Variants in VILL observed in about 807,000 individuals in gnomAD.
VILL encodes villin-like protein.
VILL carries 102 observed loss-of-function variants against 106.3 expected under a neutral mutation model. That is an observed-to-expected ratio of 0.96 (90% confidence interval 0.82 to 1.13). VILL has a LOEUF of 1.13. VILL is among the 50% of genes most tolerant of loss of function. VILL has a pLI of 0.00. For missense variants in VILL, 1,076 were observed against 1,116.6 expected, an observed-to-expected ratio of 0.96 and a Z score of 0.52; for synonymous variants, 431 against 440.3, an observed-to-expected ratio of 0.98 and a Z score of 0.27.
chr3:37,997,462 C>G lies in VILL; in HGVS notation c.562-21C>G, dbSNP rs889078611. On this transcript the variant is annotated intron_variant, in intron 6 of 19. Coordinates refer to ENST00000383759, the MANE Select transcript of VILL (RefSeq NM_015873.4). This position sits in a 1 kb window ranked among gnomAD's most constrained non-coding sequence, Gnocchi z 4.7. Reference sequence around the variant, plus strand: ...AGAGGGCACACTGGTGACACCCTGACTCCCAGGTCCTCTCCCGCAGGGGCT... The same window carrying G: ...AGAGGGCACACTGGTGACACCCTGAGTCCCAGGTCCTCTCCCGCAGGGGCT... The G allele has an allele frequency of 6.2e-7, 1 of 1,611,620 alleles. No homozygotes were observed.
Position 37,991,855 on chromosome 3 carries a change from C to A in VILL, c.-87+1026C>A, listed in dbSNP as rs183406613. Among the ~76,000 whole-genome samples the A allele has an allele frequency of 1.7e-3, 262 of 151,686 alleles. 10 individuals are homozygous for A. The South Asian group carries it at 0.051, about 30-fold the overall frequency. ...AGGGCTTGGGAGGCTGGAGGTGGCA[C>A]TGTGGGGAGGGAGGAGGCCCCCAAT... On this transcript the variant is annotated intron_variant, in intron 1 of 19. Transcript: ENST00000383759.
chr3:37,998,178 G>A lies in VILL; in HGVS notation c.843+10G>A. 1 of 1,613,954 alleles carries A rather than the reference G, an allele frequency of 6.2e-7. No homozygotes were observed. The highest frequency in any genetic ancestry group is 8.5e-7 in the Non-Finnish European group (1 of 1,179,934). On this transcript the variant is annotated intron_variant, in intron 8 of 19. Coordinates refer to ENST00000383759, the MANE Select transcript of VILL (RefSeq NM_015873.4). The surrounding 1 kb of genome is among the most constrained non-coding windows in gnomAD (Gnocchi z 4.1). The stretch of plus-strand genomic sequence containing the variant: ...CCTGCTGCAGGAGGAGGTGAGGAAG[G>A]CCTGGCCCCAGCTACTTGCATCCTT...
chr3:38,003,693 A>G, intron 15 of VILL: 1 of 234,268 alleles, frequency 4.3e-6, no homozygotes. Flanking sequence ...GTGGATGTGC[A>G]AGAACAGGTG....
intron 11 of VILL, among the ~76,000 whole-genome samples, chr3:38,000,478 G>A (rs1165837662): frequency 1.3e-5 from 2 of 151,964 alleles, no homozygotes; most frequent in Admixed American, 1.3e-4. Flanking sequence ...AAGAGAGGGA[G>A]GGTCAGTGAT....
At position 37,998,478 on chromosome 3, in the gene VILL, T is replaced by C. The variant is rs1434475279; in HGVS notation, c.942+114T>C. 2.8e-5 allele frequency: 27 copies of C among 960,694 alleles called. No homozygotes were observed. The highest frequency in any genetic ancestry group is 4.8e-5 in the Admixed American group (2 of 41,962). The allele number at this position is 960,694 out of a possible 1,614,324, so 59.5% of individuals were successfully genotyped here. A position where few individuals can be genotyped will look rare whatever the true frequency, so the allele number is the denominator to read the frequency against. On this transcript the variant is annotated intron_variant, in intron 9 of 19. Transcript: ENST00000383759. The surrounding 1 kb of genome is among the most constrained non-coding windows in gnomAD (Gnocchi z 4.1). Reference sequence around the variant, plus strand: ...AATCAGCCCTCCCCTAGAGTTTGAGTTGGGAAATCCTATGCTGGAGTCTTA... The same window carrying C: ...AATCAGCCCTCCCCTAGAGTTTGAGCTGGGAAATCCTATGCTGGAGTCTTA...
chr3:37,999,179 C>A, intron 10 of VILL, 129 bp downstream of exon 10: 3 of 1,237,202 alleles, frequency 2.4e-6, no homozygotes, highest in Admixed American at 2.9e-5. Flanking sequence ...GCCTGGTCTG[C>A]ACGGGGCGGA....
rs770511488 is a variant in VILL at position 38,004,248 on chromosome 3, T to C, written c.1806-7T>C. 18 of 1,605,946 alleles carry C rather than the reference T, an allele frequency of 1.1e-5. No individual in the cohort carries two copies. The South Asian group carries it at 1.5e-4, about 14-fold the overall frequency. Reference sequence around the variant, plus strand: ...TGGCTCACAGCCTTGCTGTCCGTGCTGGCCAGGCTCCCTGAGGAGGTCCCC... The same window carrying C: ...TGGCTCACAGCCTTGCTGTCCGTGCCGGCCAGGCTCCCTGAGGAGGTCCCC... On this transcript the variant is annotated splice_region_variant and splice_polypyrimidine_tract_variant and intron_variant, in intron 15 of 19. Transcript: ENST00000383759.
chr3:37,994,257 C>A lies in VILL; in HGVS notation c.136-4C>A. On this transcript the variant is annotated splice_polypyrimidine_tract_variant and splice_region_variant and intron_variant, in intron 3 of 19. Coordinates refer to ENST00000383759, the MANE Select transcript of VILL (RefSeq NM_015873.4). ...ACACATATACACAAACACCCGGACC[C>A]TAGGTCCCCCAGAGCCCGAAGGCCA... 6.2e-7 allele frequency: 1 copy of A among 1,604,148 alleles called. No individual in the cohort carries two copies.
At chr3:37,994,530 T>C in intron 4 of VILL, 64 bp downstream of exon 4, 4 of 1,565,524 alleles carry the variant, frequency 2.6e-6, no homozygotes, top group Non-Finnish European at 3.4e-6. Flanking sequence ...TGGGGCAGTC[T>C]TGGGATGGCC....
upstream of VILL, among the ~76,000 whole-genome samples, chr3:37,989,285 G>A (rs1184255910): frequency 6.6e-6 from 1 of 152,230 alleles, no homozygotes; most frequent in African/African-American, 2.4e-5. Context: ...AACGTGCTGG[G>A]AGAGATGTGA....
chr3:37,995,171 C>T (rs1386260645), intron 4 of VILL, among the ~76,000 whole-genome samples: 4 of 152,218 alleles, frequency 2.6e-5, no homozygotes, highest in Admixed American at 2.6e-4. Context: ...AGGAATATAT[C>T]TTTCGCTGTA....
intron 15 of VILL, 164 bp from the exon 16 acceptor site, chr3:38,004,091 C>T (rs1699869296): frequency 1.1e-6 from 1 of 876,746 alleles, no homozygotes; most frequent in African/African-American, 1.7e-5. Context: ...GACCCTGTAC[C>T]CAGAGCAGAG....
chr3:38,002,953 GA>G (rs1406913036), intron 14 of VILL: 8 of 606,300 alleles, frequency 1.3e-5, no homozygotes, highest in Admixed American at 1.3e-4. Context: ...CCATGCTCTG[GA>G]CCCTGCGAGG....
In VILL at chr3:37,999,000, TC is replaced by T; in HGVS notation, c.1033del (p.Arg345GlyfsTer22). On this transcript the variant is annotated frameshift_variant, in exon 10 of 20. Coordinates refer to ENST00000383759, the MANE Select transcript of VILL (RefSeq NM_015873.4). LOFTEE classifies it high-confidence loss of function. The surrounding 1 kb of genome is among the most constrained non-coding windows in gnomAD (Gnocchi z 4.1). ...GAGTCGGCCGCGTTCAAGCAGCTCT[TC>T]CGGACTTGGTCTGAGAAGCGGCGCA... ...GAESAAFKQL[F>X]RTWSEKRRRN... The T allele has an allele frequency of 6.2e-7, 1 of 1,603,010 alleles. No individual in the cohort carries two copies. Among genetic ancestry groups the T allele is most frequent in the Non-Finnish European group, 8.5e-7 (1 of 1,175,040 alleles).
intron 3 of VILL, 33 bp from the exon 4 acceptor site, chr3:37,994,228 C>T: frequency 6.3e-7 from 1 of 1,576,916 alleles, no homozygotes. Context: ...CCGTCTTCCC[C>T]GCAACACATA....
rs1699907749 is a variant in VILL, at chr3:38,005,809, G to T, written c.1968G>T (p.Gly656=). The change falls in exon 17 of 20, where the codon GGG becomes GGT. Residue 656 remains glycine, a synonymous_variant. Coordinates refer to ENST00000383759, the MANE Select transcript of VILL (RefSeq NM_015873.4). The part of the protein sequence containing the change: ...DTWQEIFLWL[G]EAASEWKEAV... Reference sequence around the variant, plus strand: ...TGGCTCAGATCTTCCTGTGGCTTGGGGAAGCTGCAAGTGAGTGGAAGGAGG... The same window carrying T: ...TGGCTCAGATCTTCCTGTGGCTTGGTGAAGCTGCAAGTGAGTGGAAGGAGG... The T allele has an allele frequency of 6.2e-7, 1 of 1,611,546 alleles. No individual in the cohort carries two copies. Among genetic ancestry groups the T allele is most frequent in the Admixed American group, 1.7e-5 (1 of 59,772 alleles).
In VILL at chr3:38,006,571, G is replaced by A. The variant is rs778015763; in HGVS notation, c.2328G>A (p.Ser776=). The A allele has an allele frequency of 9.9e-6, 16 of 1,614,156 alleles. No homozygotes were observed. The highest frequency in any genetic ancestry group is 3.3e-4 in the Middle Eastern group (2 of 6,056). Residue 776 remains serine (S), a synonymous_variant, in exon 19 of 20, where the codon TCG becomes TCA. Coordinates refer to ENST00000383759, the MANE Select transcript of VILL (RefSeq NM_015873.4). ...SENDLVRSPK[S]AGSRTSSSVS... is the part of the protein sequence containing the mutation. ...ATGATCTGGTGCGAAGCCCCAAGTC[G>A]GCTGGCAGCAGAACCAGCAGCTCCG... is the stretch of plus-strand genomic sequence containing the variant.
intron 11 of VILL, chr3:38,001,095 C>T (rs1456108725): frequency 2.0e-6 from 1 of 499,566 alleles, no homozygotes; most frequent in Non-Finnish European, 3.9e-6. Flanking sequence ...TCCAAGGCTT[C>T]CCTTTCCGCC....
chr3:37,999,649 C>T (rs1240102671), intron 11 of VILL, among the ~76,000 whole-genome samples: 2 of 152,188 alleles, frequency 1.3e-5, no homozygotes, highest in Non-Finnish European at 2.9e-5. Flanking sequence ...GGCACTCACA[C>T]AACACAGACA....
Sources: allele counts gnomAD v4.1 joint callset (sites outside exome capture counted in the v4.1 genomes callset), GRCh38; gene constraint gnomAD v4.1.1; non-coding constraint Gnocchi (gnomAD v3.1); transcripts MANE v1.5; gene names NCBI Gene and HGNC (gene_info 2026-07-23, HGNC 2026-07-21).